The following SART1 variants were observed in gnomAD, a reference collection of about 807,000 sequenced individuals.
SART1 encodes the protein U4/U6.U5 tri-snRNP-associated protein 1.
SART1 carries 28 observed loss-of-function variants against 105.0 expected under a neutral mutation model. That is an observed-to-expected ratio of 0.27 (90% CI 0.20 to 0.37). The LOEUF is 0.37. Ranked by LOEUF, SART1 falls within the 10% of genes least tolerant of loss-of-function variation. The probability of loss-of-function intolerance (pLI) is 1.00; values close to 1 mark genes in which losing one functional copy is unlikely to be tolerated. For synonymous variants in SART1, 472 were observed against 462.9 expected, an observed-to-expected ratio of 1.02 and a Z score of -0.25; for missense variants, 894 against 1,106.5, an observed-to-expected ratio of 0.81 and a Z score of 2.72.
chr11:65,961,957 T>TG lies in SART1; in HGVS notation c.182dup (p.Glu62ArgfsTer12). 1 of 1,513,862 alleles carries TG rather than the reference T, an allele frequency of 6.6e-7. No individual in the cohort carries two copies. The highest frequency in any genetic ancestry group is 8.8e-7 in the Non-Finnish European group (1 of 1,132,342). 93.8% of individuals were successfully genotyped at this position (1,513,862 alleles called of 1,614,324 possible). ...AACGACGGAAGCGGAGCCGGGAACG[T>TG]GGGGGCGAGCGCGGGAGCGGGCGGC... On this transcript the variant is annotated frameshift_variant, in exon 1 of 20. Coordinates refer to ENST00000312397, the MANE Select transcript of SART1 (RefSeq NM_005146.5). LOFTEE classifies it high-confidence loss of function.
chr11:65,963,902 CG>C, intron 1 of SART1, 171 bp from the exon 2 acceptor site: 1 of 624,654 alleles, frequency 1.6e-6, no homozygotes, highest in East Asian at 2.7e-5. Context: ...AGACTGGACT[CG>C]GGCAGAGGAG....
In SART1 at chr11:65,964,121, G is replaced by T. The variant is rs750579625; in HGVS notation, c.361G>T (p.Glu121Ter). ...SSGDASSLSI[E>*]ETNKLRAKLG... ...AGGCGATGCCTCCTCACTCAGCATC[G>T]AGGAGACTAAGTGAGTACTGTCTCC... The change falls in exon 2 of 20, where the codon GAG (glutamate) becomes TAG (stop). Residue 121 changes from glutamate (E) to a stop codon, truncating the protein, a stop_gained. Coordinates refer to ENST00000312397, the MANE Select transcript of SART1 (RefSeq NM_005146.5). LOFTEE classifies it high-confidence loss of function. 6.2e-7 allele frequency: 1 copy of T among 1,613,006 alleles called. No homozygotes were observed. The highest frequency in any genetic ancestry group is 8.5e-7 in the Non-Finnish European group (1 of 1,179,938).
At chr11:65,972,584 C>A (rs544531038) in intron 12 of SART1, among the ~76,000 whole-genome samples, 5 of 151,958 alleles carry the variant, frequency 3.3e-5, no homozygotes, top group Non-Finnish European at 5.9e-5. Context: ...GACCACCCCC[C>A]CTACCAACCC....
Position 65,967,246 on chromosome 11 carries a change from C to T in SART1, c.1189-13C>T, listed in dbSNP as rs374274301. On this transcript the variant is annotated splice_polypyrimidine_tract_variant and intron_variant, in intron 9 of 19. Coordinates refer to ENST00000312397, the MANE Select transcript of SART1 (RefSeq NM_005146.5). ...GTGGCCCCCGCTCCATGTCTCGCCCCTCTTCCCTTAAGGTGACCTTTAAAA... is the reference window on the plus strand; with the variant it reads ...GTGGCCCCCGCTCCATGTCTCGCCCTTCTTCCCTTAAGGTGACCTTTAAAA... 1.9e-6 allele frequency: 3 copies of T among 1,612,864 alleles called. No homozygotes were observed. The highest frequency in any genetic ancestry group is 2.2e-5 in the East Asian group (1 of 44,886).
intron 12 of SART1, among the ~76,000 whole-genome samples, chr11:65,968,744 A>T (rs1256592718): frequency 6.6e-6 from 1 of 152,060 alleles, no homozygotes; most frequent in Non-Finnish European, 1.5e-5. Flanking sequence ...AGGGCCAGGG[A>T]GGCTGGAGCA....
Position 65,978,589 on chromosome 11 carries a change from C to G in SART1, c.2173-11C>G, listed in dbSNP as rs191894984. 1.3e-6 allele frequency: 2 copies of G among 1,554,282 alleles called. No individual in the cohort carries two copies. The highest frequency in any genetic ancestry group is 1.7e-6 in the Non-Finnish European group (2 of 1,148,780). On this transcript the variant is annotated splice_polypyrimidine_tract_variant and intron_variant, in intron 17 of 19. Transcript: ENST00000312397. This position sits in a 1 kb window ranked among gnomAD's most constrained non-coding sequence, Gnocchi z 6.8. The stretch of plus-strand genomic sequence containing the variant: ...GGGCCCTGCATCTCCTCTCATGCCC[C>G]GCGTCCCCAGGCTTTCCGGCAGCTG...
rs750817569 is a variant in SART1 at position 65,964,198 on chromosome 11, G to T, written c.371+67G>T. The stretch of plus-strand genomic sequence containing the variant: ...GAGGTGGCTCTGGGGCCAGCACGGG[G>T]GAGGCTTTCTCACATGAAAGTGTGC... On this transcript the variant is annotated intron_variant, in intron 2 of 19. Coordinates refer to ENST00000312397, the MANE Select transcript of SART1 (RefSeq NM_005146.5). 7.4e-6 allele frequency: 10 copies of T among 1,350,976 alleles called. No individual in the cohort carries two copies. In the Admixed American group the frequency reaches 1.2e-4, roughly 16 times the overall value. 83.7% of individuals were successfully genotyped at this position (1,350,976 alleles called of 1,614,324 possible).
Position 65,967,536 on chromosome 11 carries a change from C to A in SART1, c.1379C>A (p.Pro460His), listed in dbSNP as rs911231726. The change falls in exon 11 of 20, where the codon CCC becomes CAC. Residue 460 changes from proline to histidine, a missense_variant. Transcript: ENST00000312397. ...GAGGAGAAGGAGCCTGTGCCTCAGC[C>A]CCTGCCGTCGGACGACACCCGAGTG... Reference protein sequence around the residue: ...VEEEKEPVPQPLPSDDTRVEN... With the variant: ...VEEEKEPVPQHLPSDDTRVEN... 3 of 1,612,912 alleles carry A rather than the reference C, an allele frequency of 1.9e-6. No homozygotes were observed. The South Asian group carries it at 3.3e-5, about 18-fold the overall frequency.
At position 65,965,155 on chromosome 11, in the gene SART1, G is replaced by A. The variant is rs372801881; in HGVS notation, c.491G>A (p.Arg164Gln). ...ATCAACCCTATGGCCTTGCGACAGC[G>A]AGAGGAGCTGCGGGAGAAGCTGGCG... is the stretch of plus-strand genomic sequence containing the variant. ...DVINPMALRQ[R>Q]EELREKLAAA... Residue 164 changes from arginine to glutamine, a missense_variant, in exon 4 of 20, where the codon CGA (arginine) becomes CAA (glutamine). By Grantham distance (43) the Arg-to-Gln change is conservative. Transcript: ENST00000312397. 1.2e-6 allele frequency: 2 copies of A among 1,603,374 alleles called. No individual in the cohort carries two copies. The highest frequency in any genetic ancestry group is 1.8e-5 in the Admixed American group (1 of 55,474).
At chr11:65,969,925 T>C (rs1035015505) in intron 12 of SART1, among the ~76,000 whole-genome samples, 1 of 152,132 alleles carries the variant, frequency 6.6e-6, no homozygotes. Flanking sequence ...GGTTTCACCG[T>C]GTTGGTCAGG....
chr11:65,964,772 G>T (rs534960447), intron 3 of SART1, among the ~76,000 whole-genome samples: 1 of 152,232 alleles, frequency 6.6e-6, no homozygotes, highest in African/African-American at 2.4e-5. Flanking sequence ...TGTGGCCGTC[G>T]CATACTCACT....
chr11:65,968,826 C>T (rs1234708236), intron 12 of SART1, among the ~76,000 whole-genome samples: 1 of 152,218 alleles, frequency 6.6e-6, no homozygotes, highest in Admixed American at 6.5e-5. Context: ...GCCTTGACCC[C>T]ATGGTCGTCG....
Position 65,966,460 on chromosome 11 carries a change from G to A in SART1, c.1092G>A (p.Glu364=). The A allele has an allele frequency of 1.9e-6, 3 of 1,612,882 alleles. No homozygotes were observed. Among genetic ancestry groups the A allele is most frequent in the Non-Finnish European group, 2.5e-6 (3 of 1,179,534 alleles). The part of the protein sequence containing the change: ...GGTADGLRER[E]LEEIRAKLRL... ...CGGCTGATGGCCTGCGGGAGCGGGA[G>A]CTGGAGGAGATCCGGGCCAAGCTGC... The change falls in exon 9 of 20, where the codon GAG becomes GAA. Residue 364 remains glutamate, a synonymous_variant. Transcript: ENST00000312397.
In SART1 at chr11:65,966,539, C is replaced by T; in HGVS notation, c.1171C>T (p.Leu391Phe). Residue 391 changes from leucine (L) to phenylalanine (F), a missense_variant, in exon 9 of 20, where the codon CTC becomes TTC. By Grantham distance (22) the Leu-to-Phe change is conservative (BLOSUM62 0). Coordinates refer to ENST00000312397, the MANE Select transcript of SART1 (RefSeq NM_005146.5). ...GGGGCCCCGGCTGGCCTCCGAATACCTCACGCCTGAGGAGATGGTGAGCCC... is the reference window on the plus strand; with the variant it reads ...GGGGCCCCGGCTGGCCTCCGAATACTTCACGCCTGAGGAGATGGTGAGCCC... The part of the protein sequence containing the change: ...TVGPRLASEY[L>F]TPEEMVTFKK... 1.3e-6 allele frequency: 2 copies of T among 1,546,688 alleles called. No homozygotes were observed. Among genetic ancestry groups the T allele is most frequent in the Non-Finnish European group, 1.7e-6 (2 of 1,149,010 alleles).
intron 2 of SART1, 64 bp downstream of exon 2, chr11:65,964,195 G>A (rs762449691): frequency 1.5e-5 from 20 of 1,369,862 alleles, no homozygotes; most frequent in East Asian, 6.9e-5. Context: ...GGGCCAGCAC[G>A]GGGGAGGCTT....
chr11:65,979,506 C>T lies in SART1; in HGVS notation c.*476C>T, dbSNP rs1260696104. ...CTGGTCTGTGTCTAGAGGAGTGAAA[C>T]TCCCAGGGTTGGGCTGGGAGTATTT... On this transcript the variant is annotated 3_prime_UTR_variant, in exon 20 of 20. Transcript: ENST00000312397. The T allele has an allele frequency of 5.7e-6, 1 of 175,878 alleles. No individual in the cohort carries two copies. Among genetic ancestry groups the T allele is most frequent in the Non-Finnish European group, 1.2e-5 (1 of 83,456 alleles). The allele number at this position is 175,878 out of a possible 1,614,324, so 10.9% of individuals were successfully genotyped here.
chr11:65,972,263 G>C (rs1168312425), intron 12 of SART1, among the ~76,000 whole-genome samples: 1 of 152,136 alleles, frequency 6.6e-6, no homozygotes, highest in Non-Finnish European at 1.5e-5. Context: ...TAGACTAACA[G>C]AACAGAGAGA....
Position 65,967,491 on chromosome 11 carries a change from G to T in SART1, c.1334G>T (p.Arg445Leu). The T allele has an allele frequency of 2.5e-6, 4 of 1,613,048 alleles. No individual in the cohort carries two copies. Among genetic ancestry groups the T allele is most frequent in the Non-Finnish European group, 3.4e-6 (4 of 1,179,900 alleles). The change falls in exon 11 of 20, where the codon CGC becomes CTC. Residue 445 changes from arginine to leucine, a missense_variant. This residue lies in a region of SART1 where 712 missense variants were observed against 778.2 expected (regional missense o/e 0.91). Transcript: ENST00000312397. The stretch of plus-strand genomic sequence containing the variant: ...CTCAGACTGCGGGGACGGGGTCGCC[G>T]CCGAGTGTCCGAAGTGGAGGAGGAG... Reference protein sequence around the residue: ...FGSRLRGRGRRRVSEVEEEKE... With the variant: ...FGSRLRGRGRLRVSEVEEEKE...
In SART1 at chr11:65,977,652, A is replaced by T. The variant is rs762211308; in HGVS notation, c.2035A>T (p.Met679Leu). 1 of 1,613,862 alleles carries T rather than the reference A, an allele frequency of 6.2e-7. No homozygotes were observed. Residue 679 changes from methionine to leucine, a missense_variant and splice_region_variant, in exon 16 of 20, where the codon ATG becomes TTG. Met to Leu is a conservative substitution (Grantham distance 15, BLOSUM62 2). Around this residue, in one of 2 missense-constraint regions of SART1, gnomAD observed 182 missense variants for 328.3 expected, o/e 0.55. Transcript: ENST00000312397. ...AGCCGTGTACTGCATCGAGGATAAG[A>T]TGTGAGTGTGGTGGGGCCTGTGCAG... ...PSAVYCIEDK[M>L]AIDDKYSRRE... is the part of the protein sequence containing the mutation.
Sources: gnomAD v4.1 joint callset for allele counts (sites outside exome capture counted in the v4.1 genomes callset) on GRCh38, gnomAD v4.1.1 for gene constraint, gnomAD v4.1.1 regional missense constraint, Gnocchi (gnomAD v3.1) non-coding constraint, MANE v1.5 for transcripts, NCBI Gene and HGNC (gene_info 2026-07-23, HGNC 2026-07-21) for gene names.